Variants in FER observed in about 807,000 individuals in gnomAD.
FER encodes FER tyrosine kinase, also known as tyrosine-protein kinase Fer.
FER carries 63 observed loss-of-function variants against 111.0 expected under a neutral mutation model. The observed-to-expected ratio is 0.57, with a 90% confidence interval of 0.46 to 0.70. FER has a LOEUF of 0.70. Among genes scored for constraint, FER ranks in the 30% least tolerant of loss-of-function variants. FER has a pLI of 0.00. For missense variants in FER, 914 were observed against 954.0 expected (o/e 0.96, Z 0.55); for synonymous variants, 327 against 313.9 (o/e 1.04, Z -0.44).
At chr5:108,879,697 A>ATATATATATATAT (rs1554084588) in intron 8 of FER, among the ~76,000 whole-genome samples, 11 of 96,044 alleles carry the variant, frequency 1.1e-4, no homozygotes, top group African/African-American at 6.8e-4. Flanking sequence ...TTAGATTAAA[A>ATATATATATATAT]AAAAATATAT....
intron 5 of FER, among the ~76,000 whole-genome samples, chr5:108,866,162 AAT>A (rs1764032371): frequency 6.6e-6 from 1 of 152,232 alleles, no homozygotes; most frequent in Admixed American, 6.5e-5. Flanking sequence ...TACTATTCAC[AAT>A]AGCAAAGACT....
chr5:108,976,420 G>A (rs778400043), intron 13 of FER, among the ~76,000 whole-genome samples: 1 of 151,982 alleles, frequency 6.6e-6, no homozygotes, highest in Non-Finnish European at 1.5e-5. Flanking sequence ...GTTTTCTAAG[G>A]TGGGATCCTA....
intron 13 of FER, among the ~76,000 whole-genome samples, chr5:109,028,021 A>G (rs1408251896): frequency 1.3e-5 from 2 of 152,190 alleles, no homozygotes; most frequent in Non-Finnish European, 2.9e-5. Flanking sequence ...TATTTTATAG[A>G]AAATTTGGAA....
chr5:108,816,090 C>A (rs955491340), intron 3 of FER, among the ~76,000 whole-genome samples: 1 of 152,048 alleles, frequency 6.6e-6, no homozygotes. Context: ...CACACACACA[C>A]CACACATATA....
At chr5:108,827,475 T>A (rs1361675953) in intron 3 of FER, among the ~76,000 whole-genome samples, 1 of 152,216 alleles carries the variant, frequency 6.6e-6, no homozygotes, top group African/African-American at 2.4e-5. Context: ...TATTTTCCTG[T>A]CAAAGTTCTC....
intron 14 of FER, among the ~76,000 whole-genome samples, chr5:109,043,189 A>G (rs1188592154): frequency 1.3e-5 from 2 of 152,212 alleles, no homozygotes; most frequent in Non-Finnish European, 2.9e-5. Flanking sequence ...TTTGATTAAT[A>G]AAACAGTAAG....
At chr5:109,180,654 C>T in intron 17 of FER, 93 bp from the exon 18 acceptor site, 1 of 1,369,132 alleles carries the variant, frequency 7.3e-7, no homozygotes, top group Non-Finnish European at 1.0e-6. Flanking sequence ...AAATACATTG[C>T]AAATGTAAAA....
At chr5:108,756,850 G>C (rs1751174226) in intron 1 of FER, among the ~76,000 whole-genome samples, 1 of 152,072 alleles carries the variant, frequency 6.6e-6, no homozygotes, top group African/African-American at 2.4e-5. Context: ...CTCCCAGGTA[G>C]AGACAGTTTC....
At chr5:109,098,797 T>A (rs1164312815) in intron 16 of FER, among the ~76,000 whole-genome samples, 3 of 151,590 alleles carry the variant, frequency 2.0e-5, no homozygotes, top group African/African-American at 7.3e-5. Flanking sequence ...CAGGAAAAAA[T>A]TGACACCGTT....
At chr5:109,055,592 C>G (rs565687169) in intron 16 of FER, among the ~76,000 whole-genome samples, 1 of 151,618 alleles carries the variant, frequency 6.6e-6, no homozygotes, top group South Asian at 2.1e-4. Context: ...TCAGACCAGC[C>G]TGGGCAACGT....
Position 109,086,759 on chromosome 5 carries a change from T to C in FER, c.1925-13637T>C, listed in dbSNP as rs552139004. ...TTTCTTGTGGTTTCTTTCATTCTTG[T>C]CTTTTCTTTCCATGATATATTAGTT... is the stretch of plus-strand genomic sequence containing the variant. On this transcript the variant is annotated intron_variant, in intron 16 of 19. Transcript: ENST00000281092. Among the ~76,000 whole-genome samples the C allele has an allele frequency of 1.4e-4, 21 of 151,718 alleles. No individual in the cohort carries two copies. The East Asian group carries it at 4.1e-3, about 29-fold the overall frequency.
At chr5:108,984,418 C>T (rs571627061) in intron 13 of FER, among the ~76,000 whole-genome samples, 125 of 152,058 alleles carry the variant, frequency 8.2e-4, no homozygotes, top group Middle Eastern at 3.4e-3. Flanking sequence ...GTTTAAATAT[C>T]CTTAGGGAAT....
intron 5 of FER, among the ~76,000 whole-genome samples, chr5:108,845,067 T>TATATATACACAC (rs1486282738): frequency 1.9e-5 from 1 of 53,856 alleles, no homozygotes; most frequent in African/African-American, 7.6e-5. Flanking sequence ...TATATATATA[T>TATATATACACAC]ACACACACAC....
chr5:109,026,789 C>T (rs1226642783), intron 13 of FER, among the ~76,000 whole-genome samples: 1 of 152,100 alleles, frequency 6.6e-6, no homozygotes. Context: ...AGGAATTCTC[C>T]TGTCTCAGCC....
intron 10 of FER, among the ~76,000 whole-genome samples, chr5:108,920,447 A>G (rs554954490): frequency 6.6e-6 from 1 of 152,168 alleles, no homozygotes; most frequent in Non-Finnish European, 1.5e-5. Context: ...ACTTCATACA[A>G]TAAAGTAATT....
intron 10 of FER, among the ~76,000 whole-genome samples, chr5:108,902,688 G>A (rs1435623019): frequency 6.6e-6 from 1 of 152,150 alleles, no homozygotes; most frequent in East Asian, 1.9e-4. Context: ...TTGGGATAAT[G>A]ACAGATTAAA....
Position 108,977,424 on chromosome 5 carries a change from A to G in FER, c.1656+18077A>G, listed in dbSNP as rs190817505. On this transcript the variant is annotated intron_variant, in intron 13 of 19. Transcript: ENST00000281092. ...GGCTAGGCAATTCATCTGCTTTTCC[A>G]AGTTGTCTCAAATTTCCAAAAATAT... is the stretch of plus-strand genomic sequence containing the variant. 5.1e-4 allele frequency among the ~76,000 whole-genome samples: 77 copies of G among 152,168 alleles called. 1 individual carries two copies. Among genetic ancestry groups the G allele is most frequent in the African/African-American group, 1.6e-3 (68 of 41,518 alleles).
chr5:109,144,391 TTGAGATC>T (rs1423907752), intron 17 of FER, among the ~76,000 whole-genome samples: 1 of 152,086 alleles, frequency 6.6e-6, no homozygotes, highest in Non-Finnish European at 1.5e-5. Context: ...TCTGGCTTCC[TTGAGATC>T]TGAGTCTTCC....
At chr5:108,859,322 T>C (rs915724983) in intron 5 of FER, among the ~76,000 whole-genome samples, 2 of 152,128 alleles carry the variant, frequency 1.3e-5, no homozygotes, top group Non-Finnish European at 2.9e-5. Flanking sequence ...TTAAGCATTC[T>C]GCTGTTTCTT....
Sources: allele counts gnomAD v4.1 joint callset (sites outside exome capture counted in the v4.1 genomes callset), GRCh38; gene constraint gnomAD v4.1.1; transcripts MANE v1.5; gene names NCBI Gene and HGNC (gene_info 2026-07-23, HGNC 2026-07-21).